Variants in UNC13C observed in about 807,000 individuals in gnomAD.
UNC13C encodes unc-13 homolog C.
UNC13C carries 174 observed loss-of-function variants against 245.4 expected under a neutral mutation model. The observed-to-expected ratio is 0.71, with a 90% confidence interval of 0.63 to 0.80. UNC13C has a LOEUF of 0.80. Among genes scored for constraint, UNC13C ranks in the 30% least tolerant of loss-of-function variants. The pLI, the probability that UNC13C is intolerant of heterozygous loss-of-function variation, is 0.00. For synonymous variants in UNC13C, 992 were observed against 895.1 expected (o/e 1.11, Z -1.93); for missense variants, 2,829 against 2,602.9 (o/e 1.09, Z -1.89).
At chr15:54,339,379 A>T (rs11634721) in intron 17 of UNC13C, among the ~76,000 whole-genome samples, 1 of 151,840 alleles carries the variant, frequency 6.6e-6, no homozygotes, top group Non-Finnish European at 1.5e-5. Flanking sequence ...CAAGCAGTGT[A>T]CACTGAACCC....
chr15:54,496,341 A>G (rs1194599030), intron 20 of UNC13C, among the ~76,000 whole-genome samples: 1 of 152,102 alleles, frequency 6.6e-6, no homozygotes, highest in Non-Finnish European at 1.5e-5. Context: ...GAATTTACAG[A>G]ATTTGTCAAC....
intron 1 of UNC13C, among the ~76,000 whole-genome samples, chr15:54,005,579 G>A (rs2140980994): frequency 1.3e-5 from 2 of 152,326 alleles, no homozygotes; most frequent in South Asian, 4.1e-4. Flanking sequence ...AAAAACATAT[G>A]TAAGAGCTGT....
chr15:54,035,739 C>T (rs910970920), intron 2 of UNC13C, among the ~76,000 whole-genome samples: 4 of 152,020 alleles, frequency 2.6e-5, no homozygotes, highest in African/African-American at 9.7e-5. Flanking sequence ...ATAGCAGAAA[C>T]ACAAATGAGA....
chr15:54,103,833 G>A (rs1023012851), intron 2 of UNC13C, among the ~76,000 whole-genome samples: 1 of 152,038 alleles, frequency 6.6e-6, no homozygotes, highest in African/African-American at 2.4e-5. Flanking sequence ...CAACTCCACA[G>A]TCCCGGGGTC....
At chr15:54,206,483 GT>G (rs1266404710) in intron 4 of UNC13C, among the ~76,000 whole-genome samples, 3 of 151,976 alleles carry the variant, frequency 2.0e-5, no homozygotes, top group South Asian at 4.1e-4. Flanking sequence ...TAATTGTTTT[GT>G]TTTGACTTTT....
chr15:54,170,263 A>G (rs1023760103), intron 4 of UNC13C, among the ~76,000 whole-genome samples: 1 of 152,162 alleles, frequency 6.6e-6, no homozygotes, highest in African/African-American at 2.4e-5. Flanking sequence ...GTGTTAATAA[A>G]ATAGAGATTC....
At chr15:54,212,668 T>C (rs1279193594) in intron 4 of UNC13C, among the ~76,000 whole-genome samples, 5 of 152,094 alleles carry the variant, frequency 3.3e-5, no homozygotes, top group African/African-American at 1.2e-4. Context: ...TAGATCTATG[T>C]CTGTTTGTTT....
chr15:54,265,820 T>C (rs2036537431), intron 10 of UNC13C, among the ~76,000 whole-genome samples: 1 of 151,962 alleles, frequency 6.6e-6, no homozygotes, highest in Admixed American at 6.6e-5. Flanking sequence ...AAATGTAATC[T>C]TGATTTAACA....
chr15:54,200,479 A>G (rs1032830506), intron 4 of UNC13C, among the ~76,000 whole-genome samples: 2 of 151,954 alleles, frequency 1.3e-5, no homozygotes, highest in East Asian at 1.9e-4. Flanking sequence ...TGTGTCAAGT[A>G]CTCTCTCAGA....
At chr15:54,496,070 T>A (rs1465271828) in intron 20 of UNC13C, among the ~76,000 whole-genome samples, 10 of 152,098 alleles carry the variant, frequency 6.6e-5, no homozygotes, top group African/African-American at 1.9e-4. Flanking sequence ...ATTTTACATG[T>A]TCTCACCATA....
intron 1 of UNC13C, among the ~76,000 whole-genome samples, chr15:54,000,388 A>G (rs950946000): frequency 6.6e-6 from 1 of 152,162 alleles, no homozygotes; most frequent in Non-Finnish European, 1.5e-5. Flanking sequence ...TCTTGGAATC[A>G]AGCCACAGAA....
At chr15:54,213,224 T>G (rs1403418110) in intron 4 of UNC13C, among the ~76,000 whole-genome samples, 1 of 152,010 alleles carries the variant, frequency 6.6e-6, no homozygotes, top group Admixed American at 6.6e-5. Context: ...TATAAATATA[T>G]ATAATTATTA....
At chr15:54,201,288 G>A (rs1275102060) in intron 4 of UNC13C, among the ~76,000 whole-genome samples, 1 of 151,980 alleles carries the variant, frequency 6.6e-6, no homozygotes, top group African/African-American at 2.4e-5. Context: ...GATGGAGAAA[G>A]AGGGAATCCT....
chr15:53,852,289 G>T, the UNC13C span, among the ~76,000 whole-genome samples: 2 of 152,166 alleles, frequency 1.3e-5, no homozygotes, highest in African/African-American at 2.4e-5. Context: ...AAGAGAATAG[G>T]TAAAAACACT....
At chr15:54,213,555 T>C (rs2034950843) in intron 4 of UNC13C, among the ~76,000 whole-genome samples, 1 of 152,096 alleles carries the variant, frequency 6.6e-6, no homozygotes, top group Non-Finnish European at 1.5e-5. Context: ...AAGCTTCTAA[T>C]CATTTGCACA....
At chr15:54,346,852 T>A (rs1030553125) in intron 17 of UNC13C, among the ~76,000 whole-genome samples, 1 of 152,176 alleles carries the variant, frequency 6.6e-6, no homozygotes, top group Non-Finnish European at 1.5e-5. Flanking sequence ...ATCCAGCAGA[T>A]ACCTAATCAG....
rs554232745 is a variant in UNC13C, at chr15:54,442,325, C to T, written c.4933+27258C>T. Among the ~76,000 whole-genome samples, 14 of 147,894 alleles carry T rather than the reference C, an allele frequency of 9.5e-5. No homozygotes were observed. The East Asian group carries it at 1.0e-3, about 11-fold the overall frequency. On this transcript the variant is annotated intron_variant, in intron 19 of 32. Coordinates refer to ENST00000260323, the MANE Select transcript of UNC13C (RefSeq NM_001080534.3). ...GAGTGCACTGGCTCCCAGATTCAAGCGATTCTTCTGCCTCAGCCTCCTGAA... is the reference window on the plus strand; with the variant it reads ...GAGTGCACTGGCTCCCAGATTCAAGTGATTCTTCTGCCTCAGCCTCCTGAA...
chr15:54,414,992 G>A lies in UNC13C; in HGVS notation c.4858G>A (p.Glu1620Lys). 3 of 1,612,636 alleles carry A rather than the reference G, an allele frequency of 1.9e-6. No individual in the cohort carries two copies. Among genetic ancestry groups the A allele is most frequent in the South Asian group, 1.1e-5 (1 of 90,906 alleles). The change falls in exon 19 of 33, where the codon GAG (glutamate) becomes AAG (lysine). Residue 1620 changes from glutamate (E) to lysine (K), a missense_variant. Coordinates refer to ENST00000260323, the MANE Select transcript of UNC13C (RefSeq NM_001080534.3). ...YTPVLNQFPQELNMGKISAEI... is the reference protein window; with the variant it reads ...YTPVLNQFPQKLNMGKISAEI... ...TGTGTTTGGTTTTAGGTTTCCTCAA[G>A]AGCTGAACATGGGAAAAATAAGTGC...
chr15:54,114,999 C>G (rs1189472448), intron 2 of UNC13C, among the ~76,000 whole-genome samples: 14 of 152,006 alleles, frequency 9.2e-5, no homozygotes, highest in Non-Finnish European at 2.9e-5. Context: ...AATGCATTCC[C>G]CACTTTTCTA....
Sources: allele counts gnomAD v4.1 joint callset (sites outside exome capture counted in the v4.1 genomes callset), GRCh38; gene constraint gnomAD v4.1.1; transcripts MANE v1.5; gene names NCBI Gene and HGNC (gene_info 2026-07-23, HGNC 2026-07-21).